Variants in PCNX2 observed in about 807,000 individuals in gnomAD.
PCNX2 encodes pecanex 2.
A neutral mutation model predicts 223.8 loss-of-function variants in PCNX2; 168 were observed. The ratio of observed to expected loss-of-function variants is 0.75; its 90% CI spans 0.66 to 0.85. The LOEUF (loss-of-function observed/expected upper bound fraction) is 0.85, where lower values mean the gene tolerates loss of function less well. Ranked by LOEUF, PCNX2 falls within the 40% of genes least tolerant of loss-of-function variation. The pLI is 0.00. For synonymous variants in PCNX2, 1,006 were observed against 1,052.6 expected (o/e 0.96, Z 0.86); for missense variants, 2,507 against 2,675.5 (o/e 0.94, Z 1.39).
chr1:233,298,429 T>A (rs191132478), upstream of PCNX2, among the ~76,000 whole-genome samples: 4 of 152,172 alleles, frequency 2.6e-5, no homozygotes, highest in African/African-American at 9.7e-5. Flanking sequence ...AGGTGCCTAA[T>A]TGTGTTGTAT....
At chr1:233,219,665 G>A (rs1558357844) in intron 10 of PCNX2, among the ~76,000 whole-genome samples, 2 of 152,084 alleles carry the variant, frequency 1.3e-5, no homozygotes, top group Admixed American at 1.3e-4. Flanking sequence ...AGAGACATTT[G>A]TGATTCACAG....
chr1:233,247,462 T>C lies in PCNX2; in HGVS notation c.2222+3277A>G, dbSNP rs528137981. Among the ~76,000 whole-genome samples, 24 of 152,360 alleles carry C rather than the reference T, an allele frequency of 1.6e-4. No homozygotes were observed. In the South Asian group the frequency reaches 5.0e-3, roughly 32 times the overall value. On this transcript the variant is annotated intron_variant, in intron 8 of 33. Coordinates refer to ENST00000258229, the MANE Select transcript of PCNX2 (RefSeq NM_014801.4). Reference sequence around the variant, plus strand: ...AATGTGTCTTTCTTTTCTAGAACTCTTCTTGTTTTTTGGTGTTTTTGCTAT... The same window carrying C: ...AATGTGTCTTTCTTTTCTAGAACTCCTCTTGTTTTTTGGTGTTTTTGCTAT...
At position 233,258,734 on chromosome 1, in the gene PCNX2, A is replaced by G. The variant is rs769330441; in HGVS notation, c.1128T>C (p.Ile376=). Reference sequence around the variant, plus strand: ...TTGGGGTACTGCTCATCGTGATAACAATTTTTATGGGCTCATGTAGACTCA... The same window carrying G: ...TTGGGGTACTGCTCATCGTGATAACGATTTTTATGGGCTCATGTAGACTCA... The part of the protein sequence containing the change: ...DPLSLHEPIK[I]VITMSSTPNS... Residue 376 remains isoleucine (I), a synonymous_variant, in exon 5 of 34, where the codon ATT becomes ATC. Coordinates refer to ENST00000258229, the MANE Select transcript of PCNX2 (RefSeq NM_014801.4). 7 of 1,613,934 alleles carry G rather than the reference A, an allele frequency of 4.3e-6. No individual in the cohort carries two copies. The highest frequency in any genetic ancestry group is 5.9e-6 in the Non-Finnish European group (7 of 1,179,888).
intron 8 of PCNX2, among the ~76,000 whole-genome samples, chr1:233,240,459 A>G (rs1658692346): frequency 1.3e-5 from 2 of 152,194 alleles, no homozygotes; most frequent in Non-Finnish European, 2.9e-5. Context: ...AAGTTTCAAG[A>G]GACATTTTCT....
In PCNX2 at chr1:233,258,351, G is replaced by C. The variant is rs777313576; in HGVS notation, c.1511C>G (p.Ser504Cys). 7.4e-6 allele frequency: 12 copies of C among 1,613,986 alleles called. No homozygotes were observed. The highest frequency in any genetic ancestry group is 1.0e-5 in the Non-Finnish European group (12 of 1,179,904). The part of the protein sequence containing the change: ...SRLTPDTGSE[S>C]KVGKEGQTNL... ...AGTCTGGCCTTCCTTCCCCACCTTA[G>C]ACTCGGAGCCTGTATCAGGTGTAAG... Residue 504 changes from serine to cysteine, a missense_variant, in exon 5 of 34, where the codon TCT (serine) becomes TGT (cysteine). By Grantham distance (112) the Ser-to-Cys change is moderately radical. Coordinates refer to ENST00000258229, the MANE Select transcript of PCNX2 (RefSeq NM_014801.4).
At position 232,984,468 on chromosome 1, in the gene PCNX2, C is replaced by T. The variant is rs766654803; in HGVS notation, c.6250G>A (p.Glu2084Lys). ...AASQATRHLS[E>K]PCEPPDATEQ... is the part of the protein sequence containing the mutation. ...GTGGCATCAGGGGGCTCACATGGCTCGGAGAGGTGCTTCCAAAGAGAAGAG... is the reference window on the plus strand; with the variant it reads ...GTGGCATCAGGGGGCTCACATGGCTTGGAGAGGTGCTTCCAAAGAGAAGAG... Residue 2084 changes from glutamate (E) to lysine (K), a missense_variant, in exon 34 of 34, where the codon GAG becomes AAG. Physicochemically the swap from Glu to Lys is moderately conservative, Grantham distance 56 (BLOSUM62 1). This residue lies in a region of PCNX2 where 1,372 missense variants were observed against 1,509.4 expected (regional missense o/e 0.91). Coordinates refer to ENST00000258229, the MANE Select transcript of PCNX2 (RefSeq NM_014801.4). The T allele has an allele frequency of 1.1e-5, 18 of 1,612,082 alleles. No individual in the cohort carries two copies. The highest frequency in any genetic ancestry group is 5.5e-5 in the South Asian group (5 of 90,948).
At chr1:233,007,776 G>C (rs1052721089) in intron 28 of PCNX2, among the ~76,000 whole-genome samples, 3 of 150,066 alleles carry the variant, frequency 2.0e-5, no homozygotes, top group Non-Finnish European at 4.4e-5. Flanking sequence ...CTGACCTCAA[G>C]AGATCCACCC....
chr1:233,119,444 G>C (rs1285415817), intron 21 of PCNX2, among the ~76,000 whole-genome samples: 1 of 142,678 alleles, frequency 7.0e-6, no homozygotes, highest in African/African-American at 2.6e-5. Flanking sequence ...AAATTGCCGG[G>C]CGTGGTGGTG....
intron 22 of PCNX2, chr1:233,095,442 A>T (rs879856440): frequency 6.4e-5 from 20 of 310,228 alleles, no homozygotes; most frequent in Admixed American, 2.8e-4. Flanking sequence ...ACTATTTTGC[A>T]CAAGGCAACC....
chr1:233,262,049 G>A lies in PCNX2; in HGVS notation c.476C>T (p.Pro159Leu), dbSNP rs1660080828. ...QSITSHHSSG[P>L]LELSAQETVE... ...ACAGGAAAGAAGACCACTAACCAAT[G>A]GCCCAGAAGAGTGATGAGAGGTTAT... The change falls in exon 3 of 34, where the codon CCA becomes CTA. Residue 159 changes from proline to leucine, a missense_variant. Physicochemically the swap from Pro to Leu is moderately conservative, Grantham distance 98 (BLOSUM62 -3). This residue lies in a region of PCNX2 where 1,031 missense variants were observed against 1,021.7 expected (regional missense o/e 1.01). Transcript: ENST00000258229. 1 of 1,613,720 alleles carries A rather than the reference G, an allele frequency of 6.2e-7. No homozygotes were observed. Among genetic ancestry groups the A allele is most frequent in the Non-Finnish European group, 8.5e-7 (1 of 1,179,704 alleles).
intron 21 of PCNX2, among the ~76,000 whole-genome samples, chr1:233,112,169 T>A (rs930769881): frequency 6.6e-6 from 1 of 152,210 alleles, no homozygotes; most frequent in Non-Finnish European, 1.5e-5. Flanking sequence ...AATGGGAAAA[T>A]CTGTGACCTT....
chr1:233,174,929 T>C (rs544884946), intron 17 of PCNX2, among the ~76,000 whole-genome samples: 82 of 152,330 alleles, frequency 5.4e-4, no homozygotes, highest in African/African-American at 1.9e-3. Context: ...TTTCCTGAAG[T>C]GCAATCTGTG....
At chr1:233,019,918 G>A (rs1251704461) in intron 26 of PCNX2, among the ~76,000 whole-genome samples, 3 of 152,160 alleles carry the variant, frequency 2.0e-5, no homozygotes, top group Non-Finnish European at 2.9e-5. Flanking sequence ...CACGAGCACC[G>A]CTTCTCAGCT....
In PCNX2 at chr1:233,227,311, C is replaced by T; in HGVS notation, c.2419G>A (p.Glu807Lys). The change falls in exon 10 of 34, where the codon GAG becomes AAG. Residue 807 changes from glutamate (E) to lysine (K), a missense_variant. Physicochemically the swap from Glu to Lys is moderately conservative, Grantham distance 56. Transcript: ENST00000258229. Reference protein sequence around the residue: ...CSSTQGKFNREQFYKFIIFPG... With the variant: ...CSSTQGKFNRKQFYKFIIFPG... ...AAAATGATAAATTTGTAAAACTGCT[C>T]TCGGTTAAATTTTCCTTGTGTTGAA... 1 of 1,613,640 alleles carries T rather than the reference C, an allele frequency of 6.2e-7. No individual in the cohort carries two copies. Among genetic ancestry groups the T allele is most frequent in the Non-Finnish European group, 8.5e-7 (1 of 1,179,724 alleles).
intron 23 of PCNX2, among the ~76,000 whole-genome samples, chr1:233,080,333 G>A (rs1431653554): frequency 6.6e-6 from 1 of 151,514 alleles, no homozygotes; most frequent in Non-Finnish European, 1.5e-5. Context: ...CCCCAAACAC[G>A]GTCCTGTAGT....
intron 12 of PCNX2, among the ~76,000 whole-genome samples, chr1:233,209,427 T>C (rs1000508677): frequency 2.6e-5 from 4 of 152,146 alleles, no homozygotes; most frequent in African/African-American, 9.7e-5. Context: ...ACAAAAAATT[T>C]ACATCTCATA....
chr1:233,177,539 C>T (rs1468634600), intron 17 of PCNX2, among the ~76,000 whole-genome samples: 1 of 152,188 alleles, frequency 6.6e-6, no homozygotes, highest in Non-Finnish European at 1.5e-5. Context: ...TGTACCCTTT[C>T]TGCAGAAAGT....
chr1:233,252,810 GT>G, intron 5 of PCNX2, 22 bp from the exon 6 acceptor site: 2 of 1,556,372 alleles, frequency 1.3e-6, no homozygotes, highest in Non-Finnish European at 1.7e-6. Flanking sequence ...TGCTTTACTT[GT>G]TAATTTAATA....
chr1:233,050,801 C>CA (rs570600715), intron 25 of PCNX2, among the ~76,000 whole-genome samples: 53 of 151,578 alleles, frequency 3.5e-4, no homozygotes, highest in African/African-American at 1.3e-3. Context: ...AAAGCAATTG[C>CA]AAAAAAACAA....
Sources: allele counts gnomAD v4.1 joint callset (sites outside exome capture counted in the v4.1 genomes callset), GRCh38; gene constraint gnomAD v4.1.1; regional missense constraint gnomAD v4.1.1; transcripts MANE v1.5; gene names NCBI Gene and HGNC (gene_info 2026-07-23, HGNC 2026-07-21).